The following NPAS3 variants were observed in gnomAD, a reference collection of about 807,000 sequenced individuals.
NPAS3 encodes neuronal PAS domain-containing protein 3.
In NPAS3, 14 loss-of-function variants were observed where a neutral mutation model predicts 73.1. The ratio of observed to expected loss-of-function variants is 0.19; its 90% CI spans 0.13 to 0.30. NPAS3 has a LOEUF of 0.30. Among genes scored for constraint, NPAS3 ranks in the 10% least tolerant of loss-of-function variants. The pLI is 1.00. For synonymous variants in NPAS3, 620 were observed against 541.5 expected (o/e 1.14, Z -2.01); for missense variants, 1,096 against 1,250.0 (o/e 0.88, Z 1.86).
At chr14:32,949,470 A>G (rs1358453276) in intron 1 of NPAS3, among the ~76,000 whole-genome samples, 1 of 152,054 alleles carries the variant, frequency 6.6e-6, no homozygotes, top group African/African-American at 2.4e-5. Context: ...GGACAGATAA[A>G]CCAGTAATGA....
In NPAS3 at chr14:33,247,558, G is replaced by A. The variant is rs376497230; in HGVS notation, c.385+32132G>A. Among the ~76,000 whole-genome samples, 9 of 152,260 alleles carry A rather than the reference G, an allele frequency of 5.9e-5. No homozygotes were observed. In the East Asian group the frequency reaches 7.7e-4, roughly 13 times the overall value. On this transcript the variant is annotated intron_variant, in intron 3 of 11. Coordinates refer to ENST00000356141, the Ensembl canonical transcript of NPAS3. ...AAGGACAGCGGGGCATTGTGCATTC[G>A]TGTAGGCTTTTCTTGTAAATTCTTG...
chr14:33,015,843 A>G (rs2039371694), intron 1 of NPAS3, among the ~76,000 whole-genome samples: 1 of 152,200 alleles, frequency 6.6e-6, no homozygotes, highest in African/African-American at 2.4e-5. Context: ...TTCAACAGTA[A>G]ACATCTATTA....
intron 11 of NPAS3, among the ~76,000 whole-genome samples, chr14:33,797,972 A>G (rs1228058714): frequency 2.6e-5 from 4 of 151,954 alleles, no homozygotes; most frequent in East Asian, 1.9e-4. Context: ...ATTGATTGCT[A>G]TTAGCAATCA....
At chr14:33,583,877 C>T (rs2056768300) in intron 5 of NPAS3, among the ~76,000 whole-genome samples, 2 of 152,144 alleles carry the variant, frequency 1.3e-5, no homozygotes, top group African/African-American at 4.8e-5. Flanking sequence ...GGTAAGTTGG[C>T]CTTCTTCAGA....
intron 3 of NPAS3, among the ~76,000 whole-genome samples, chr14:33,321,555 G>A (rs1049900498): frequency 2.0e-5 from 3 of 151,914 alleles, no homozygotes; most frequent in African/African-American, 7.3e-5. Context: ...AAGACAGCAT[G>A]GGATTTGGAG....
At chr14:33,483,809 C>G (rs574777939) in intron 4 of NPAS3, among the ~76,000 whole-genome samples, 1 of 152,298 alleles carries the variant, frequency 6.6e-6, no homozygotes, top group South Asian at 2.1e-4. Context: ...TTTTCTCCAC[C>G]CAAAGTCAGC....
At chr14:33,786,709 T>C (rs1167986415) in intron 9 of NPAS3, among the ~76,000 whole-genome samples, 1 of 152,224 alleles carries the variant, frequency 6.6e-6, no homozygotes, top group Non-Finnish European at 1.5e-5. Context: ...CAAAGGCAAG[T>C]AGAGGTAAAT....
chr14:33,084,808 C>T (rs2138750351), intron 2 of NPAS3, among the ~76,000 whole-genome samples: 1 of 152,206 alleles, frequency 6.6e-6, no homozygotes, highest in East Asian at 1.9e-4. Flanking sequence ...AAACCGTCTG[C>T]CCTCATATGG....
At chr14:33,709,495 G>A (rs2060757062) in intron 6 of NPAS3, among the ~76,000 whole-genome samples, 1 of 152,162 alleles carries the variant, frequency 6.6e-6, no homozygotes, top group African/African-American at 2.4e-5. Flanking sequence ...AGTTTAGGTT[G>A]ACTTCATGGC....
intron 1 of NPAS3, among the ~76,000 whole-genome samples, chr14:33,030,022 G>A (rs1011308013): frequency 2.0e-5 from 3 of 152,114 alleles, no homozygotes; most frequent in Non-Finnish European, 4.4e-5. Context: ...CCTCCCTTTG[G>A]CAATGCTTAA....
intron 3 of NPAS3, among the ~76,000 whole-genome samples, chr14:33,316,693 A>T (rs1412549087): frequency 6.6e-6 from 1 of 152,078 alleles, no homozygotes; most frequent in Admixed American, 6.6e-5. Flanking sequence ...ACTAGAAAAA[A>T]GTTGCAGGCC....
intron 4 of NPAS3, among the ~76,000 whole-genome samples, chr14:33,417,283 C>G (rs1011942900): frequency 1.3e-5 from 2 of 151,958 alleles, no homozygotes; most frequent in Non-Finnish European, 2.9e-5. Flanking sequence ...CCATTAAAAA[C>G]TCTTTTGTAA....
At chr14:33,207,000 C>T (rs1215378364) in intron 2 of NPAS3, among the ~76,000 whole-genome samples, 1 of 152,116 alleles carries the variant, frequency 6.6e-6, no homozygotes, top group East Asian at 1.9e-4. Flanking sequence ...TGTGTGCTCA[C>T]CAGGATGAGA....
At chr14:33,397,946 G>A (rs1233483877) in intron 4 of NPAS3, among the ~76,000 whole-genome samples, 3 of 152,086 alleles carry the variant, frequency 2.0e-5, no homozygotes, top group Non-Finnish European at 4.4e-5. Flanking sequence ...CAGTCCATTT[G>A]GGGCGTAATT....
Position 32,965,964 on chromosome 14 carries a change from T to TA in NPAS3, c.50+26606dup, listed in dbSNP as rs1358838773. On this transcript the variant is annotated intron_variant, in intron 1 of 11. Coordinates refer to ENST00000356141, the Ensembl canonical transcript of NPAS3. ...AGAAATCAATCACGTTTACAATAGA[T>TA]AAAAAAAATCTAGGAATAAATATAA... Among the ~76,000 whole-genome samples, 14 of 151,792 alleles carry TA rather than the reference T, an allele frequency of 9.2e-5. No individual in the cohort carries two copies. In the South Asian group the frequency reaches 1.0e-3, roughly 11 times the overall value.
chr14:33,572,732 T>G (rs770137555), intron 5 of NPAS3, among the ~76,000 whole-genome samples: 5 of 152,092 alleles, frequency 3.3e-5, no homozygotes, highest in Non-Finnish European at 7.4e-5. Context: ...AGCCATAAAA[T>G]AGTTATTCTT....
intron 11 of NPAS3, 115 bp downstream of exon 11, chr14:33,797,696 G>A (rs2063553142): frequency 2.0e-6 from 2 of 1,015,778 alleles, no homozygotes; most frequent in African/African-American, 1.6e-5. Flanking sequence ...ATTTCAGAGA[G>A]ACATATGTCA....
chr14:33,404,404 T>C (rs1367189973), intron 4 of NPAS3, among the ~76,000 whole-genome samples: 1 of 152,104 alleles, frequency 6.6e-6, no homozygotes, highest in Non-Finnish European at 1.5e-5. Context: ...TTCCCTGATA[T>C]AGTATTTAAC....
At chr14:33,137,785 T>C (rs2043892028) in intron 2 of NPAS3, among the ~76,000 whole-genome samples, 1 of 152,200 alleles carries the variant, frequency 6.6e-6, no homozygotes, top group South Asian at 2.1e-4. Flanking sequence ...AAAATATATG[T>C]GTTTCTAGAG....
Sources: allele counts gnomAD v4.1 joint callset (sites outside exome capture counted in the v4.1 genomes callset), GRCh38; gene constraint gnomAD v4.1.1; transcripts MANE v1.5; gene names NCBI Gene and HGNC (gene_info 2026-07-23, HGNC 2026-07-21).